TEX9: variants seen among roughly 807,000 people sequenced by gnomAD.
TEX9 encodes the protein testis expressed 9, also known as testis-expressed protein 9.
Under a neutral mutation model 59.6 loss-of-function variants are expected in TEX9, and 74 were observed. The observed-to-expected ratio is 1.24, with a 90% CI of 1.03 to 1.51. The LOEUF is 1.51. TEX9 is among the 40% of genes most tolerant of loss of function. The pLI is 0.00. For synonymous variants in TEX9, 186 were observed against 152.2 expected, an observed-to-expected ratio of 1.22 and a Z score of -1.64; for missense variants, 522 against 447.8, an observed-to-expected ratio of 1.17 and a Z score of -1.49.
At chr15:56,268,572 A>AT (rs1475123206) in intron 1 of TEX9, among the ~76,000 whole-genome samples, 3 of 152,070 alleles carry the variant, frequency 2.0e-5, no homozygotes, top group Non-Finnish European at 4.4e-5. Context: ...TTCTGCATCT[A>AT]TTGAGATAAT....
chr15:56,361,704 A>G (rs2046792339), upstream of TEX9, among the ~76,000 whole-genome samples: 1 of 149,068 alleles, frequency 6.7e-6, no homozygotes, highest in East Asian at 1.9e-4. Context: ...GGTGGCCCAC[A>G]TCCGATATTA....
At chr15:56,357,817 C>G (rs1307189653) in intron 1 of TEX9, among the ~76,000 whole-genome samples, 2 of 152,026 alleles carry the variant, frequency 1.3e-5, no homozygotes, top group African/African-American at 4.8e-5. Context: ...GATTCTGTCC[C>G]TTATTTCTAT....
chr15:56,389,336 G>A (rs898501931), exon 6 of TEX9: 6 of 1,610,956 alleles, frequency 3.7e-6, no homozygotes, highest in Non-Finnish European at 5.1e-6. Flanking sequence ...CAAAAACATT[G>A]ATCCTGTAAA....
chr15:56,297,027 G>GCAACAA (rs201959634), intron 1 of TEX9, among the ~76,000 whole-genome samples: 10,485 of 151,852 alleles, frequency 0.069, 444 homozygotes, highest in Non-Finnish European at 0.1. Flanking sequence ...AGCTAAAACA[G>GCAACAA]CAACAACAAC....
chr15:56,263,673 T>C (rs2044317403), intron 1 of TEX9, among the ~76,000 whole-genome samples: 1 of 152,186 alleles, frequency 6.6e-6, no homozygotes, highest in Non-Finnish European at 1.5e-5. Flanking sequence ...AGTTCCATCA[T>C]TCCCCCAAAT....
intron 1 of TEX9, among the ~76,000 whole-genome samples, chr15:56,311,180 A>G (rs1421879844): frequency 7.0e-6 from 1 of 142,430 alleles, no homozygotes; most frequent in Non-Finnish European, 1.5e-5. Context: ...TTTAGGGTAC[A>G]TGTGCACATT....
At chr15:56,349,785 G>A (rs1272239890) in intron 1 of TEX9, among the ~76,000 whole-genome samples, 5 of 151,662 alleles carry the variant, frequency 3.3e-5, no homozygotes, top group South Asian at 2.1e-4. Flanking sequence ...ACTTGTGAGT[G>A]CATATATATA....
chr15:56,337,786 A>G (rs917086472), intron 1 of TEX9, among the ~76,000 whole-genome samples: 2 of 152,186 alleles, frequency 1.3e-5, no homozygotes, highest in Admixed American at 1.3e-4. Context: ...ATCCTGTTAA[A>G]TTTTTTGGTT....
chr15:56,448,398 CCT>C (rs2050923318), downstream of TEX9, among the ~76,000 whole-genome samples: 1 of 152,154 alleles, frequency 6.6e-6, no homozygotes, highest in African/African-American at 2.4e-5. Context: ...CCTCCTCCAC[CCT>C]CTCATAGTTC....
At chr15:56,344,136 TATC>T (rs1361106320) in intron 1 of TEX9, among the ~76,000 whole-genome samples, 2 of 152,176 alleles carry the variant, frequency 1.3e-5, no homozygotes, top group African/African-American at 2.4e-5. Flanking sequence ...AGCATGGAGT[TATC>T]ATATGACCCA....
intron 1 of TEX9, among the ~76,000 whole-genome samples, chr15:56,272,054 G>T (rs1189457063): frequency 6.6e-6 from 1 of 151,900 alleles, no homozygotes; most frequent in African/African-American, 2.4e-5. Flanking sequence ...TGAGGCAGGG[G>T]AATGGCCGGA....
chr15:56,431,845 G>T lies in TEX9; in HGVS notation c.*29+3372G>T, dbSNP rs138165468. Among the ~76,000 whole-genome samples the T allele has an allele frequency of 2.6e-3, 395 of 151,982 alleles. 3 individuals are homozygous for T. Among genetic ancestry groups the T allele is most frequent in the African/African-American group, 9.1e-3 (377 of 41,504 alleles). On this transcript the variant is annotated intron_variant, in intron 12 of 12. Coordinates refer to ENST00000352903, the Ensembl canonical transcript of TEX9. ...TATACCAGATGCTGAAGAGTTTACA[G>T]TGTAAAACAAAAAATAGTGAATAAA...
chr15:56,315,461 G>T (rs2045732463), intron 1 of TEX9, among the ~76,000 whole-genome samples: 2 of 149,908 alleles, frequency 1.3e-5, no homozygotes, highest in Non-Finnish European at 3.0e-5. Context: ...TTGTCTTTAA[G>T]AATGTTGAAT....
chr15:56,342,013 A>G (rs1008709027), intron 1 of TEX9, among the ~76,000 whole-genome samples: 3 of 151,958 alleles, frequency 2.0e-5, no homozygotes, highest in Non-Finnish European at 2.9e-5. Context: ...TGATAAGTGA[A>G]CTTTTTCTAT....
In TEX9 at chr15:56,391,311, T is replaced by C. The variant is rs34017428; in HGVS notation, c.464T>C (p.Phe155Ser). 702 of 1,604,598 alleles carry C rather than the reference T, an allele frequency of 4.4e-4. 4 individuals carry two copies. The African/African-American group carries it at 6.9e-3, about 16-fold the overall frequency. Residue 155 changes from phenylalanine to serine, a missense_variant, in exon 7 of 13, where the codon TTT becomes TCT. Physicochemically the swap from Phe to Ser is radical, Grantham distance 155. Coordinates refer to ENST00000352903, the Ensembl canonical transcript of TEX9. ...GCCATTCCAGAGGATTTCTCAGACTTTTCCCTTGCAAAAACAATTAGCAAA... is the reference window on the plus strand; with the variant it reads ...GCCATTCCAGAGGATTTCTCAGACTCTTCCCTTGCAAAAACAATTAGCAAA...
At chr15:56,265,816 G>A (rs2249090) in intron 1 of TEX9, among the ~76,000 whole-genome samples, 54,967 of 151,814 alleles carry the variant, frequency 0.36, 10,474 homozygotes, top group Non-Finnish European at 0.43. Context: ...TCTTGTGTGG[G>A]TGGCCTATTA....
At chr15:56,402,692 T>C (rs2048857076) in intron 9 of TEX9, among the ~76,000 whole-genome samples, 1 of 151,918 alleles carries the variant, frequency 6.6e-6, no homozygotes, top group Non-Finnish European at 1.5e-5. Context: ...AAAAAGAATT[T>C]TAGACCAATA....
rs2045501414 is a variant in TEX9, at chr15:56,307,082, T to C, written c.-107+62804T>C. Among the ~76,000 whole-genome samples the C allele has an allele frequency of 2.0e-5, 3 of 152,272 alleles. No individual in the cohort carries two copies. In the South Asian group the frequency reaches 6.2e-4, roughly 32 times the overall value. On this transcript the variant is annotated intron_variant, in intron 1 of 5. Transcript: ENST00000560827. ...ATTATTTATCTAAAATACACTTTCCTGGGGGGAAAATGACTAAATATCGGT... is the reference window on the plus strand; with the variant it reads ...ATTATTTATCTAAAATACACTTTCCCGGGGGGAAAATGACTAAATATCGGT...
chr15:56,335,108 T>G (rs1211600644), intron 1 of TEX9, among the ~76,000 whole-genome samples: 1 of 151,910 alleles, frequency 6.6e-6, no homozygotes, highest in Non-Finnish European at 1.5e-5. Flanking sequence ...CCTCAAAAAT[T>G]GAAATAGAGA....
Sources: allele counts gnomAD v4.1 joint callset (sites outside exome capture counted in the v4.1 genomes callset), GRCh38; gene constraint gnomAD v4.1.1; transcripts MANE v1.5; gene names NCBI Gene and HGNC (gene_info 2026-07-23, HGNC 2026-07-21).